Variants in DIAPH3 observed in about 807,000 individuals in gnomAD.
DIAPH3 encodes the protein diaphanous related formin 3, also known as protein diaphanous homolog 3.
In DIAPH3, 117 loss-of-function variants were observed where a neutral mutation model predicts 144.3. The observed-to-expected ratio is 0.81, with a 90% CI of 0.70 to 0.95. DIAPH3 has a LOEUF of 0.95. Among genes scored for constraint, DIAPH3 ranks in the 40% least tolerant of loss-of-function variants. The pLI, the probability that DIAPH3 is intolerant of heterozygous loss-of-function variation, is 0.00. For missense variants in DIAPH3, 1,421 were observed against 1,412.7 expected (o/e 1.01, Z -0.09); for synonymous variants, 519 against 488.9 (o/e 1.06, Z -0.81).
At chr13:59,731,435 C>T (rs1329853383) in intron 27 of DIAPH3, among the ~76,000 whole-genome samples, 2 of 151,938 alleles carry the variant, frequency 1.3e-5, no homozygotes, top group Non-Finnish European at 2.9e-5. Flanking sequence ...ACAGAAAATC[C>T]AATTATATAA....
intron 25 of DIAPH3, among the ~76,000 whole-genome samples, chr13:59,800,264 C>T (rs1359732172): frequency 1.3e-5 from 2 of 152,166 alleles, no homozygotes; most frequent in Non-Finnish European, 2.9e-5. Context: ...GATATATTTT[C>T]CCCTTCTTTT....
chr13:59,964,174 ACGG>A (rs2140516298), intron 17 of DIAPH3, among the ~76,000 whole-genome samples: 1 of 152,246 alleles, frequency 6.6e-6, no homozygotes, highest in African/African-American at 2.4e-5. Flanking sequence ...GATGATAGCT[ACGG>A]ACACACCACT....
intron 2 of DIAPH3, among the ~76,000 whole-genome samples, chr13:60,129,725 G>T (rs1171610986): frequency 1.3e-5 from 2 of 152,192 alleles, no homozygotes; most frequent in African/African-American, 4.8e-5. Context: ...TGTGTATGTT[G>T]TAAGGGGGCA....
At chr13:59,906,104 T>A (rs1169719763) in intron 20 of DIAPH3, among the ~76,000 whole-genome samples, 2 of 152,188 alleles carry the variant, frequency 1.3e-5, no homozygotes, top group African/African-American at 4.8e-5. Flanking sequence ...TGTGCAATAC[T>A]AATGCACTGC....
At chr13:59,889,826 G>A (rs547806917) in intron 20 of DIAPH3, among the ~76,000 whole-genome samples, 3 of 151,538 alleles carry the variant, frequency 2.0e-5, no homozygotes, top group African/African-American at 7.3e-5. Flanking sequence ...TAGCTCTCTG[G>A]AAAGTAAGAT....
intron 27 of DIAPH3, among the ~76,000 whole-genome samples, chr13:59,697,213 A>G (rs1221189265): frequency 6.6e-6 from 1 of 151,716 alleles, no homozygotes; most frequent in African/African-American, 2.4e-5. Flanking sequence ...TAATCCCAGC[A>G]CTTTGGGAGG....
intron 27 of DIAPH3, among the ~76,000 whole-genome samples, chr13:59,702,051 C>G (rs1052028552): frequency 1.3e-5 from 2 of 152,134 alleles, no homozygotes; most frequent in African/African-American, 4.8e-5. Context: ...GTTTGTTTTC[C>G]TTTCCTAAGA....
At chr13:59,902,813 T>C (rs538004193) in intron 20 of DIAPH3, among the ~76,000 whole-genome samples, 25 of 152,196 alleles carry the variant, frequency 1.6e-4, no homozygotes, top group African/African-American at 6.0e-4. Context: ...AGAAAAACAA[T>C]GACTGAATGC....
intron 21 of DIAPH3, among the ~76,000 whole-genome samples, chr13:59,867,820 T>G (rs1455514238): frequency 6.6e-6 from 1 of 152,104 alleles, no homozygotes; most frequent in Non-Finnish European, 1.5e-5. Context: ...CTTTTAGTAC[T>G]GAGAGATCAG....
intron 25 of DIAPH3, among the ~76,000 whole-genome samples, chr13:59,799,612 G>A (rs1593891163): frequency 6.6e-6 from 1 of 152,150 alleles, no homozygotes; most frequent in Non-Finnish European, 1.5e-5. Context: ...CTTGTCCTAG[G>A]ATTGTGCCAA....
At chr13:60,050,421 CCT>C (rs1464631964) in intron 4 of DIAPH3, among the ~76,000 whole-genome samples, 3 of 152,132 alleles carry the variant, frequency 2.0e-5, no homozygotes, top group African/African-American at 7.2e-5. Flanking sequence ...GGGCTCCGAT[CCT>C]CTAGGCAGGC....
At chr13:60,069,568 T>C (rs752972272) in intron 4 of DIAPH3, among the ~76,000 whole-genome samples, 4 of 152,140 alleles carry the variant, frequency 2.6e-5, no homozygotes, top group Non-Finnish European at 4.4e-5. Context: ...ATGTCCAAAA[T>C]AGTGTTTCCT....
At chr13:59,870,666 T>TG (rs2044204980) in intron 21 of DIAPH3, among the ~76,000 whole-genome samples, 1 of 28,052 alleles carries the variant, frequency 3.6e-5, no homozygotes, top group Non-Finnish European at 1.5e-4. Context: ...TTTGTAGGTG[T>TG]TTTTTTTTTT....
At chr13:60,090,593 CT>C (rs2137886900) in intron 4 of DIAPH3, among the ~76,000 whole-genome samples, 1 of 152,272 alleles carries the variant, frequency 6.6e-6, no homozygotes, top group East Asian at 1.9e-4. Flanking sequence ...TTTTCATATC[CT>C]GTGTAGAACA....
intron 27 of DIAPH3, among the ~76,000 whole-genome samples, chr13:59,713,243 T>G (rs2034845714): frequency 6.6e-6 from 1 of 152,218 alleles, no homozygotes; most frequent in African/African-American, 2.4e-5. Flanking sequence ...TGAAGGTTTT[T>G]TTTTTTTTTT....
At chr13:59,964,312 C>T (rs951331164) in intron 17 of DIAPH3, among the ~76,000 whole-genome samples, 2 of 151,986 alleles carry the variant, frequency 1.3e-5, no homozygotes, top group Non-Finnish European at 2.9e-5. Flanking sequence ...TCTTTCCTTT[C>T]TCCAGTAGAA....
chr13:59,987,486 A>G (rs2051484547), intron 12 of DIAPH3, among the ~76,000 whole-genome samples: 3 of 137,082 alleles, frequency 2.2e-5, no homozygotes, highest in South Asian at 2.3e-4. Flanking sequence ...AAAAAAAAAA[A>G]AAAGAAAAAA....
intron 2 of DIAPH3, among the ~76,000 whole-genome samples, chr13:60,112,739 T>C (rs778894540): frequency 5.9e-5 from 9 of 152,202 alleles, no homozygotes; most frequent in Non-Finnish European, 1.0e-4. Context: ...TGTGAACTTC[T>C]TGAATATCTA....
At chr13:60,071,947 T>TC (rs1356631973) in intron 4 of DIAPH3, among the ~76,000 whole-genome samples, 6 of 151,938 alleles carry the variant, frequency 3.9e-5, no homozygotes, top group African/African-American at 1.4e-4. Context: ...CACCCAAACC[T>TC]CCCCCAATTC....
Sources: gnomAD v4.1 joint callset for allele counts (sites outside exome capture counted in the v4.1 genomes callset) on GRCh38, gnomAD v4.1.1 for gene constraint, MANE v1.5 for transcripts, NCBI Gene and HGNC (gene_info 2026-07-23, HGNC 2026-07-21) for gene names.